MAPK10: variants seen among roughly 807,000 people sequenced by gnomAD.
MAPK10 encodes mitogen-activated protein kinase 10.
Under a neutral mutation model 59.3 loss-of-function variants are expected in MAPK10, and 25 were observed. The observed-to-expected ratio is 0.42, with a 90% CI of 0.31 to 0.59. MAPK10 has a LOEUF of 0.59. MAPK10 is among the 20% of genes least tolerant of loss of function. MAPK10 has a pLI of 0.15. For synonymous variants in MAPK10, 190 were observed against 200.5 expected (o/e 0.95, Z 0.44); for missense variants, 351 against 568.9 (o/e 0.62, Z 3.90).
At chr4:86,314,257 A>G (rs558565192) in intron 2 of MAPK10, among the ~76,000 whole-genome samples, 124 of 152,130 alleles carry the variant, frequency 8.2e-4, no homozygotes, top group Non-Finnish European at 1.2e-3. Flanking sequence ...TGGTGGATAC[A>G]TAGGTTATAT....
intron 1 of MAPK10, among the ~76,000 whole-genome samples, chr4:86,501,551 T>C (rs1755326821): frequency 6.6e-6 from 1 of 151,996 alleles, no homozygotes; most frequent in Non-Finnish European, 1.5e-5. Flanking sequence ...TAAGGAGGGT[T>C]CGCTTTTTTA....
intron 2 of MAPK10, among the ~76,000 whole-genome samples, chr4:86,280,047 C>A (rs1230114958): frequency 6.6e-6 from 1 of 152,122 alleles, no homozygotes; most frequent in Non-Finnish European, 1.5e-5. Flanking sequence ...TTGACATCAG[C>A]CTTAGCAAAC....
intron 1 of MAPK10, among the ~76,000 whole-genome samples, chr4:86,482,906 T>A (rs1753713198): frequency 6.6e-6 from 1 of 152,152 alleles, no homozygotes; most frequent in Admixed American, 6.6e-5. Context: ...CCCTCTTTTC[T>A]CATTTATTTT....
chr4:86,339,560 T>C lies in MAPK10; in HGVS notation c.-7+14970A>G, dbSNP rs1431425915. Among the ~76,000 whole-genome samples the C allele has an allele frequency of 3.3e-5, 5 of 152,236 alleles. No individual in the cohort carries two copies. The East Asian group carries it at 9.6e-4, about 29-fold the overall frequency. On this transcript the variant is annotated intron_variant, in intron 2 of 13. Transcript: ENST00000641462. ...ACAGTCTAATTTTCTTTTCCAAATA[T>C]ATTCAACTATTTCCTTTATTGTTGT...
rs1183413681 is a variant in MAPK10 at position 86,011,639 on chromosome 4, G to C, written c.*5589C>G. ...TGCAATTTCCCTTCTTATTATTGTG[G>C]GTATTTTTAGGTACCTATGCTTGAC... On this transcript the variant is annotated 3_prime_UTR_variant, in exon 14 of 14. Coordinates refer to ENST00000641462, the MANE Select transcript of MAPK10 (RefSeq NM_138982.4). The C allele has an allele frequency of 6.6e-6, 1 of 152,050 alleles. No homozygotes were observed. The highest frequency in any genetic ancestry group is 1.5e-5 in the Non-Finnish European group (1 of 68,008). 9.4% of individuals were successfully genotyped at this position (152,050 alleles called of 1,614,324 possible).
chr4:86,167,553 G>A (rs184134694), intron 3 of MAPK10, among the ~76,000 whole-genome samples: 2 of 152,076 alleles, frequency 1.3e-5, no homozygotes, highest in Non-Finnish European at 2.9e-5. Flanking sequence ...GGGATGCAAG[G>A]GTGGTTCAAC....
intron 2 of MAPK10, among the ~76,000 whole-genome samples, chr4:86,230,003 G>C (rs2091305085): frequency 6.6e-6 from 1 of 152,172 alleles, no homozygotes; most frequent in Non-Finnish European, 1.5e-5. Context: ...CGAGACTGCT[G>C]TGAGCCATGT....
intron 8 of MAPK10, chr4:86,100,157 T>C (rs924650035): frequency 6.6e-6 from 1 of 152,128 alleles, no homozygotes. Context: ...TAGAATAGAA[T>C]ATAAAAATAA....
At chr4:86,036,260 A>C (rs2040272572) in intron 11 of MAPK10, among the ~76,000 whole-genome samples, 1 of 152,170 alleles carries the variant, frequency 6.6e-6, no homozygotes, top group African/African-American at 2.4e-5. Context: ...ATCCAGATAG[A>C]TCTTCGGTGG....
intron 1 of MAPK10, among the ~76,000 whole-genome samples, chr4:86,368,632 G>A (rs1738280495): frequency 6.6e-6 from 1 of 152,042 alleles, no homozygotes; most frequent in African/African-American, 2.4e-5. Flanking sequence ...TAAAAGTACG[G>A]GTTTGCTTTT....
intron 11 of MAPK10, among the ~76,000 whole-genome samples, chr4:86,051,874 C>T (rs1579214438): frequency 6.6e-6 from 1 of 152,000 alleles, no homozygotes; most frequent in African/African-American, 2.4e-5. Flanking sequence ...TCTTTGGAGA[C>T]AAACATGGCA....
At chr4:86,021,803 C>T (rs1313241790) in intron 13 of MAPK10, among the ~76,000 whole-genome samples, 1 of 152,226 alleles carries the variant, frequency 6.6e-6, no homozygotes, top group Non-Finnish European at 1.5e-5. Flanking sequence ...GCCGGTGGGC[C>T]GGCACTGCTG....
chr4:86,408,563 T>C lies in MAPK10; in HGVS notation c.-122+44467A>G, dbSNP rs557960799. Among the ~76,000 whole-genome samples the C allele has an allele frequency of 5.3e-5, 8 of 152,294 alleles. No homozygotes were observed. In the South Asian group the frequency reaches 1.5e-3, roughly 28 times the overall value. On this transcript the variant is annotated intron_variant, in intron 1 of 13. Transcript: ENST00000361569. The stretch of plus-strand genomic sequence containing the variant: ...TTCTCCACATCCTCTCCAGCACCTG[T>C]TGTTTCTTGACTTTTTAGTGATTGC...
chr4:86,155,505 C>T, intron 4 of MAPK10, among the ~76,000 whole-genome samples: 1 of 151,828 alleles, frequency 6.6e-6, no homozygotes, highest in East Asian at 1.9e-4. Context: ...ACCCCCTTGT[C>T]TGAGGCAGAT....
At chr4:86,488,085 A>G (rs1754152508) in intron 1 of MAPK10, among the ~76,000 whole-genome samples, 2 of 152,146 alleles carry the variant, frequency 1.3e-5, no homozygotes, top group African/African-American at 4.8e-5. Context: ...CCTCAGCTCC[A>G]CTTGCCGTCT....
intron 4 of MAPK10, chr4:86,124,160 A>G (rs1284082206): frequency 6.6e-6 from 1 of 152,048 alleles, no homozygotes; most frequent in South Asian, 2.1e-4. Flanking sequence ...CACTAAAAAC[A>G]GTATTCTTAT....
chr4:86,026,064 T>C (rs1198646237), intron 13 of MAPK10, among the ~76,000 whole-genome samples: 1 of 152,182 alleles, frequency 6.6e-6, no homozygotes, highest in African/African-American at 2.4e-5. Flanking sequence ...GTGGGGAATG[T>C]GGTCCTCACT....
chr4:86,348,216 C>T (rs569732087), intron 2 of MAPK10, among the ~76,000 whole-genome samples: 3 of 152,214 alleles, frequency 2.0e-5, no homozygotes, highest in South Asian at 4.1e-4. Flanking sequence ...TTTAACACTA[C>T]AAAGAAGACA....
chr4:86,076,402 C>T (rs1452290154), intron 9 of MAPK10, among the ~76,000 whole-genome samples: 2 of 152,220 alleles, frequency 1.3e-5, no homozygotes, highest in Non-Finnish European at 2.9e-5. Flanking sequence ...TCCTATTCAG[C>T]CATCTTGGCT....
Sources: gnomAD v4.1 joint callset for allele counts (sites outside exome capture counted in the v4.1 genomes callset) on GRCh38, gnomAD v4.1.1 for gene constraint, MANE v1.5 for transcripts, NCBI Gene and HGNC (gene_info 2026-07-23, HGNC 2026-07-21) for gene names.